The following RGS6 variants were observed in gnomAD, a reference collection of about 807,000 sequenced individuals.
The protein encoded by RGS6 is regulator of G protein signaling 6.
Under a neutral mutation model 78.5 loss-of-function variants are expected in RGS6, and 30 were observed. The observed-to-expected ratio is 0.38, with a 90% CI of 0.29 to 0.52. The LOEUF (loss-of-function observed/expected upper bound fraction) is 0.52. Among genes scored for constraint, RGS6 ranks in the 20% least tolerant of loss-of-function variants. RGS6 has a pLI of 0.85. For synonymous variants in RGS6, 206 were observed against 206.0 expected (o/e 1.00, Z 0.00); for missense variants, 495 against 609.7 (o/e 0.81, Z 1.98).
At chr14:72,395,785 T>G (rs976617701) in intron 3 of RGS6, among the ~76,000 whole-genome samples, 16 of 152,264 alleles carry the variant, frequency 1.1e-4, no homozygotes, top group African/African-American at 3.6e-4. Context: ...ATGTGGTGTT[T>G]GGTTTTTTTC....
chr14:72,122,314 C>T (rs932848752), intron 2 of RGS6, among the ~76,000 whole-genome samples: 1 of 152,160 alleles, frequency 6.6e-6, no homozygotes, highest in Non-Finnish European at 1.5e-5. Context: ...TGCCTCGACT[C>T]AAGCTCAGAT....
chr14:71,967,189 G>GTATATATATATATATAGATATATATA (rs2093572663), intron 2 of RGS6, among the ~76,000 whole-genome samples: 1 of 145,798 alleles, frequency 6.9e-6, no homozygotes, highest in African/African-American at 2.6e-5. Context: ...TGTGTAAAGA[G>GTATATATATATATATAGATATATATA]TATATATATA....
chr14:72,082,372 C>T (rs999039816), intron 2 of RGS6, among the ~76,000 whole-genome samples: 3 of 151,922 alleles, frequency 2.0e-5, no homozygotes, highest in Non-Finnish European at 4.4e-5. Context: ...TGGTTATATT[C>T]ATTCTTAGGT....
At chr14:71,945,184 T>C (rs1316574436) in intron 1 of RGS6, among the ~76,000 whole-genome samples, 1 of 152,230 alleles carries the variant, frequency 6.6e-6, no homozygotes, top group African/African-American at 2.4e-5. Flanking sequence ...CCCTTCTCAT[T>C]GCTCTTCATT....
the RGS6 span, among the ~76,000 whole-genome samples, chr14:71,869,288 A>G: frequency 6.6e-6 from 1 of 152,310 alleles, no homozygotes; most frequent in Non-Finnish European, 1.5e-5. Flanking sequence ...AGAGATGAGC[A>G]AGTAGGTTTC....
chr14:72,495,146 C>T lies in RGS6; in HGVS notation c.855-6C>T. The T allele has an allele frequency of 1.3e-6, 2 of 1,558,516 alleles. No individual in the cohort carries two copies. Among genetic ancestry groups the T allele is most frequent in the East Asian group, 2.2e-5 (1 of 44,612 alleles). ...TGGCATTCTTTGCTCTGCCTCCCTC[C>T]TGCAGTTTAATTGCCTACACGGAAC... On this transcript the variant is annotated splice_polypyrimidine_tract_variant and splice_region_variant and intron_variant, in intron 12 of 17. Transcript: ENST00000553525.
At position 72,518,378 on chromosome 14, in the gene RGS6, G is replaced by C. The variant is rs1372596327; in HGVS notation, c.1119G>C (p.Lys373Asn). The change falls in exon 15 of 18, where the codon AAG becomes AAC. Residue 373 changes from lysine (K) to asparagine (N), a missense_variant. Physicochemically the swap from Lys to Asn is moderately conservative, Grantham distance 94 (BLOSUM62 0). Coordinates refer to ENST00000553525, the MANE Select transcript of RGS6 (RefSeq NM_001204424.2). ...TCTGGCTGGCTGTCCAAGATCTTAA[G>C]AAACAACCCCTACAGGATGTGGCCA... ...LRFWLAVQDL[K>N]KQPLQDVAKR... 2 of 1,614,052 alleles carry C rather than the reference G, an allele frequency of 1.2e-6. No individual in the cohort carries two copies. The highest frequency in any genetic ancestry group is 1.7e-6 in the Non-Finnish European group (2 of 1,179,906).
At chr14:72,481,952 G>T (rs1219031800) in intron 12 of RGS6, among the ~76,000 whole-genome samples, 3 of 151,870 alleles carry the variant, frequency 2.0e-5, no homozygotes, top group Non-Finnish European at 1.5e-5. Flanking sequence ...GGGATTACAG[G>T]CACCTGCCAC....
At chr14:72,475,807 G>A (rs190667684) in intron 10 of RGS6, among the ~76,000 whole-genome samples, 153 of 124,832 alleles carry the variant, frequency 1.2e-3, no homozygotes, top group Admixed American at 2.7e-3. Context: ...TCTCTCTCAT[G>A]TATGCATTAA....
chr14:71,967,500 C>T (rs2093594463), intron 2 of RGS6, among the ~76,000 whole-genome samples: 1 of 152,140 alleles, frequency 6.6e-6, no homozygotes, highest in African/African-American at 2.4e-5. Flanking sequence ...AAGCCAATGA[C>T]AATTCAAAGC....
intron 3 of RGS6, among the ~76,000 whole-genome samples, chr14:72,421,925 G>C (rs1186274453): frequency 6.6e-6 from 1 of 152,198 alleles, no homozygotes; most frequent in Non-Finnish European, 1.5e-5. Flanking sequence ...TCATTCCACA[G>C]ATTAAATGGC....
chr14:71,926,489 C>G, the RGS6 span, among the ~76,000 whole-genome samples: 10 of 148,928 alleles, frequency 6.7e-5, no homozygotes, highest in Non-Finnish European at 1.5e-4. Context: ...GAGGCTGAGG[C>G]AGGAGAATCG....
chr14:72,040,006 T>G (rs1307964539), intron 2 of RGS6, among the ~76,000 whole-genome samples: 1 of 152,092 alleles, frequency 6.6e-6, no homozygotes, highest in Non-Finnish European at 1.5e-5. Flanking sequence ...CGTCCTACTT[T>G]GTTACCAATC....
At chr14:71,897,108 A>G in the RGS6 span, among the ~76,000 whole-genome samples, 6 of 152,222 alleles carry the variant, frequency 3.9e-5, no homozygotes, top group Non-Finnish European at 8.8e-5. Flanking sequence ...GGTATAATCC[A>G]CAAAGTCCAA....
At chr14:72,477,474 G>C (rs1056167912) in intron 11 of RGS6, among the ~76,000 whole-genome samples, 1 of 141,954 alleles carries the variant, frequency 7.0e-6, no homozygotes, top group Non-Finnish European at 1.5e-5. Flanking sequence ...ATGGGTAAGA[G>C]GTAATGGATA....
intron 3 of RGS6, among the ~76,000 whole-genome samples, chr14:72,353,708 CA>C (rs2079593744): frequency 6.6e-6 from 1 of 152,244 alleles, no homozygotes; most frequent in South Asian, 2.1e-4. Context: ...ACAGGCCAGG[CA>C]TGATGGCTCA....
intron 17 of RGS6, among the ~76,000 whole-genome samples, chr14:72,557,275 A>T (rs2097593014): frequency 6.6e-6 from 1 of 152,248 alleles, no homozygotes; most frequent in Non-Finnish European, 1.5e-5. Flanking sequence ...TTTTCCCACC[A>T]TCCCCTGCCA....
rs2097691140 is a variant in RGS6 at position 72,562,726 on chromosome 14, C to A, written c.*259C>A. On this transcript the variant is annotated 3_prime_UTR_variant, in exon 18 of 18. Transcript: ENST00000553525. Reference sequence around the variant, plus strand: ...TCTTCTTTGTACAGTTGTATTCCAACACTCCACTCGCTAAGAGGCCCTGAT... The same window carrying A: ...TCTTCTTTGTACAGTTGTATTCCAAAACTCCACTCGCTAAGAGGCCCTGAT... 1.3e-6 allele frequency: 2 copies of A among 1,536,198 alleles called. No homozygotes were observed. The highest frequency in any genetic ancestry group is 2.7e-5 in the African/African-American group (2 of 73,162).
intron 2 of RGS6, among the ~76,000 whole-genome samples, chr14:72,039,306 C>T (rs1229500184): frequency 1.3e-5 from 2 of 152,074 alleles, no homozygotes; most frequent in African/African-American, 4.8e-5. Flanking sequence ...TGGTAGTTGA[C>T]ATTGTGAGGG....
Sources: gnomAD v4.1 joint callset for allele counts (sites outside exome capture counted in the v4.1 genomes callset) on GRCh38, gnomAD v4.1.1 for gene constraint, MANE v1.5 for transcripts, NCBI Gene and HGNC (gene_info 2026-07-23, HGNC 2026-07-21) for gene names.